The following GPR39 variants were observed in gnomAD, a reference collection of about 807,000 sequenced individuals.
The protein encoded by GPR39 is G protein-coupled receptor 39.
GPR39 carries 23 observed loss-of-function variants against 18.4 expected under a neutral mutation model. That is an observed-to-expected ratio of 1.25 (90% CI 0.90 to 1.77). GPR39 has a LOEUF of 1.77. GPR39 is among the 40% of genes most tolerant of loss of function. The pLI is 0.00. For synonymous variants in GPR39, 280 were observed against 257.9 expected (o/e 1.09, Z -0.82); for missense variants, 647 against 602.4 (o/e 1.07, Z -0.78).
intron 1 of GPR39, among the ~76,000 whole-genome samples, chr2:132,575,899 T>C (rs1441269895): frequency 1.3e-5 from 2 of 152,122 alleles, no homozygotes; most frequent in East Asian, 3.9e-4. Context: ...TCATGAATGG[T>C]ATTAGTGCCA....
At chr2:132,593,508 A>G (rs1251793680) in intron 1 of GPR39, among the ~76,000 whole-genome samples, 3 of 152,176 alleles carry the variant, frequency 2.0e-5, no homozygotes, top group African/African-American at 7.2e-5. Flanking sequence ...TCAGAAATTC[A>G]AGGGCTTATA....
At chr2:132,446,944 G>A (rs1005229726) in intron 1 of GPR39, among the ~76,000 whole-genome samples, 3 of 152,170 alleles carry the variant, frequency 2.0e-5, no homozygotes, top group African/African-American at 7.2e-5. Flanking sequence ...TGCCCCATAT[G>A]TAAAGATCCA....
intron 1 of GPR39, among the ~76,000 whole-genome samples, chr2:132,441,246 G>T (rs1383935585): frequency 6.6e-6 from 1 of 152,154 alleles, no homozygotes; most frequent in Non-Finnish European, 1.5e-5. Flanking sequence ...GTGGGATGCA[G>T]AGCCCTGGGA....
At chr2:132,565,310 T>A (rs1680329584) in intron 1 of GPR39, among the ~76,000 whole-genome samples, 1 of 151,904 alleles carries the variant, frequency 6.6e-6, no homozygotes, top group South Asian at 2.1e-4. Flanking sequence ...CAAGTTGCAG[T>A]CTTCCTATGG....
intron 1 of GPR39, among the ~76,000 whole-genome samples, chr2:132,457,392 A>C (rs1289782137): frequency 6.6e-6 from 1 of 152,084 alleles, no homozygotes; most frequent in Non-Finnish European, 1.5e-5. Flanking sequence ...ATCTTTTTTT[A>C]AGGTTTTTAG....
chr2:132,615,409 C>G (rs887442127), intron 1 of GPR39, among the ~76,000 whole-genome samples: 4 of 152,202 alleles, frequency 2.6e-5, no homozygotes, highest in African/African-American at 7.2e-5. Flanking sequence ...TCGCAGGCAT[C>G]ATTGCACAGT....
intron 1 of GPR39, among the ~76,000 whole-genome samples, chr2:132,444,759 A>G (rs1470121499): frequency 6.6e-6 from 1 of 152,238 alleles, no homozygotes; most frequent in African/African-American, 2.4e-5. Context: ...AATGCTGTGA[A>G]GGAGAGAATG....
intron 1 of GPR39, among the ~76,000 whole-genome samples, chr2:132,583,818 GC>G (rs573945774): frequency 5.7e-4 from 87 of 151,522 alleles, no homozygotes; most frequent in East Asian, 2.5e-3. Context: ...AGCTGAGGCT[GC>G]AGCCACAGCA....
chr2:132,465,546 C>A (rs963019975), intron 1 of GPR39, among the ~76,000 whole-genome samples: 2 of 152,136 alleles, frequency 1.3e-5, no homozygotes, highest in African/African-American at 4.8e-5. Flanking sequence ...TGGCAAAGAG[C>A]ATGGTAGCCA....
At position 132,417,407 on chromosome 2, in the gene GPR39, C is replaced by G. The variant is rs375756316; in HGVS notation, c.365C>G (p.Thr122Arg). Reference protein sequence around the residue: ...TFLFEACSYATLLHVLTLSFE... With the variant: ...TFLFEACSYARLLHVLTLSFE... ...CTCTTCGAGGCCTGCAGCTACGCTA[C>G]GCTGCTGCACGTGCTGACACTCAGC... Residue 122 changes from threonine to arginine, a missense_variant, in exon 1 of 2, where the codon ACG becomes AGG. By Grantham distance (71) the Thr-to-Arg change is moderately conservative (BLOSUM62 -1). This residue lies in a region of GPR39 where 581 missense variants were observed against 506.8 expected (regional missense o/e 1.15). Transcript: ENST00000329321. The G allele has an allele frequency of 2.5e-6, 4 of 1,614,184 alleles. No homozygotes were observed. In the Admixed American group the frequency reaches 6.7e-5, roughly 27 times the overall value.
At chr2:132,565,011 G>A (rs1680323343) in intron 1 of GPR39, among the ~76,000 whole-genome samples, 2 of 151,368 alleles carry the variant, frequency 1.3e-5, no homozygotes, top group Non-Finnish European at 2.9e-5. Context: ...TAGAGATCGG[G>A]TATCACCATG....
intron 1 of GPR39, among the ~76,000 whole-genome samples, chr2:132,535,696 T>C (rs952364886): frequency 1.3e-5 from 1 of 77,160 alleles, no homozygotes; most frequent in Admixed American, 1.3e-4. Context: ...GGTCCTGGGC[T>C]TTTTTTTTTT....
chr2:132,522,787 A>G (rs1199275249), intron 1 of GPR39, among the ~76,000 whole-genome samples: 1 of 152,164 alleles, frequency 6.6e-6, no homozygotes, highest in African/African-American at 2.4e-5. Flanking sequence ...CCTCTCTCTG[A>G]CTCAGGAGCC....
Position 132,492,720 on chromosome 2 carries a change from A to ATATATATAATATATATACACACCATG in GPR39, c.856+74828_856+74829insTAATATATATACACACCATGTATATA, listed in dbSNP as rs1553451587. Among the ~76,000 whole-genome samples, 6 of 139,406 alleles carry ATATATATAATATATATACACACCATG rather than the reference A, an allele frequency of 4.3e-5. 1 individual carries two copies. The highest frequency in any genetic ancestry group is 6.2e-5 in the Non-Finnish European group (4 of 64,316). The allele number at this position is 139,406 out of a possible 152,430, so 91.5% of individuals were successfully genotyped here. On this transcript the variant is annotated intron_variant, in intron 1 of 1. Transcript: ENST00000329321. ...TATATATAATATATATACACACCAT[A>ATATATATAATATATATACACACCATG]TATATACCATATATATATACACACC...
intron 1 of GPR39, among the ~76,000 whole-genome samples, chr2:132,634,014 G>GTGT (rs1681701692): frequency 6.6e-6 from 1 of 152,012 alleles, no homozygotes; most frequent in African/African-American, 2.4e-5. Flanking sequence ...GGTGGAAGCA[G>GTGT]TGTTGGTGTT....
chr2:132,480,820 T>C (rs377033473), intron 1 of GPR39, among the ~76,000 whole-genome samples: 7 of 152,310 alleles, frequency 4.6e-5, no homozygotes, highest in African/African-American at 1.7e-4. Context: ...TGGAAGCTCT[T>C]TTTTGTTTGT....
intron 1 of GPR39, among the ~76,000 whole-genome samples, chr2:132,611,326 C>G (rs1458495378): frequency 1.3e-5 from 2 of 152,136 alleles, no homozygotes; most frequent in Non-Finnish European, 2.9e-5. Context: ...CCTAACCACG[C>G]CAGGTGGTGA....
intron 1 of GPR39, among the ~76,000 whole-genome samples, chr2:132,508,667 G>A (rs544932897): frequency 6.6e-6 from 1 of 152,310 alleles, no homozygotes; most frequent in African/African-American, 2.4e-5. Context: ...CTGTAAATCA[G>A]CTGCCGTTTA....
intron 1 of GPR39, among the ~76,000 whole-genome samples, chr2:132,452,122 T>C (rs1680641384): frequency 6.6e-6 from 1 of 152,204 alleles, no homozygotes; most frequent in Non-Finnish European, 1.5e-5. Context: ...CTTCTAATGG[T>C]AAATGATACA....
Sources: gnomAD v4.1 joint callset for allele counts (sites outside exome capture counted in the v4.1 genomes callset) on GRCh38, gnomAD v4.1.1 for gene constraint, gnomAD v4.1.1 regional missense constraint, MANE v1.5 for transcripts, NCBI Gene and HGNC (gene_info 2026-07-23, HGNC 2026-07-21) for gene names.